GCNT4: variants seen among roughly 807,000 people sequenced by gnomAD.
GCNT4 encodes the protein glucosaminyl (N-acetyl) transferase 4.
Under a neutral mutation model 31.3 loss-of-function variants are expected in GCNT4, and 17 were observed. The observed-to-expected ratio is 0.54, with a 90% CI of 0.37 to 0.81. GCNT4 has a LOEUF of 0.81. Among genes scored for constraint, GCNT4 ranks in the 40% least tolerant of loss-of-function variants. The probability of loss-of-function intolerance (pLI) is 0.00; values close to 1 mark genes in which losing one functional copy is unlikely to be tolerated. For missense variants in GCNT4, 503 were observed against 525.5 expected (o/e 0.96, Z 0.42); for synonymous variants, 158 against 190.6 (o/e 0.83, Z 1.41).
intron 2 of GCNT4, among the ~76,000 whole-genome samples, chr5:75,048,653 T>C (rs1365672227): frequency 1.3e-5 from 2 of 152,202 alleles, no homozygotes; most frequent in African/African-American, 4.8e-5. Flanking sequence ...TTTCTATGAA[T>C]AGTACCACCC....
chr5:75,019,190 G>A, the GCNT4 span, among the ~76,000 whole-genome samples: 1 of 152,164 alleles, frequency 6.6e-6, no homozygotes, highest in Non-Finnish European at 1.5e-5. Context: ...GCCCTTATAA[G>A]AAGAGACACA....
At chr5:75,021,774 G>A (rs1742883045), downstream of GCNT4, among the ~76,000 whole-genome samples, 1 of 152,034 alleles carries the variant, frequency 6.6e-6, no homozygotes, top group Non-Finnish European at 1.5e-5. Context: ...CCACAAATTG[G>A]AGTGACATCT....
rs1023749096 is a variant in GCNT4, at chr5:75,027,040, C to G, written c.*1636G>C. On this transcript the variant is annotated 3_prime_UTR_variant, in exon 4 of 4. Transcript: ENST00000652361. ...AAAAAATATGTAATACTTAAATCTT[C>G]CAAATTGTCCTATTTTGGGCTAGAT... 4 of 151,650 alleles carry G rather than the reference C, an allele frequency of 2.6e-5. No homozygotes were observed. The highest frequency in any genetic ancestry group is 6.6e-5 in the Admixed American group (1 of 15,174). 9.4% of individuals were successfully genotyped at this position (151,650 alleles called of 1,614,324 possible).
chr5:75,038,427 C>T (rs979740697), intron 3 of GCNT4, among the ~76,000 whole-genome samples: 1 of 152,228 alleles, frequency 6.6e-6, no homozygotes, highest in Non-Finnish European at 1.5e-5. Context: ...TCCTGGGGTA[C>T]TGGGAACACC....
At chr5:75,045,045 T>C (rs1417408391) in intron 3 of GCNT4, among the ~76,000 whole-genome samples, 1 of 152,226 alleles carries the variant, frequency 6.6e-6, no homozygotes, top group Admixed American at 6.5e-5. Flanking sequence ...ATTACCTGGT[T>C]CACTTCTTTG....
intron 3 of GCNT4, among the ~76,000 whole-genome samples, chr5:75,045,240 C>T (rs1413405229): frequency 1.3e-5 from 2 of 152,146 alleles, no homozygotes; most frequent in East Asian, 1.9e-4. Flanking sequence ...CCACAGAACA[C>T]GGTCATTTTC....
the GCNT4 span, chr5:75,017,601 T>TA: frequency 6.6e-6 from 1 of 152,240 alleles, no homozygotes; most frequent in Non-Finnish European, 1.5e-5. Context: ...GAAGATGCTT[T>TA]AGGAAGGGGG....
At chr5:75,048,860 A>C (rs916104523) in intron 2 of GCNT4, among the ~76,000 whole-genome samples, 1 of 152,216 alleles carries the variant, frequency 6.6e-6, no homozygotes, top group African/African-American at 2.4e-5. Context: ...GTTAAAGCTG[A>C]AGAAGTAATG....
In GCNT4 at chr5:75,028,267, A is replaced by G. The variant is rs1388796491; in HGVS notation, c.*409T>C. ...AACACTACTCTGAAATGGGTGGTTT[A>G]TATGATCAGACGATTACCACAAACT... On this transcript the variant is annotated 3_prime_UTR_variant, in exon 4 of 4. Transcript: ENST00000652361. 5.9e-6 allele frequency: 1 copy of G among 170,444 alleles called. No homozygotes were observed. Among genetic ancestry groups the G allele is most frequent in the Non-Finnish European group, 1.2e-5 (1 of 80,010 alleles). 10.6% of individuals were successfully genotyped at this position (170,444 alleles called of 1,614,324 possible).
intron 2 of GCNT4, 102 bp downstream of exon 2, chr5:75,052,059 AGCTGTCAG>A (rs1424599100): frequency 1.3e-5 from 2 of 152,160 alleles, no homozygotes; most frequent in Non-Finnish European, 2.9e-5. Flanking sequence ...TATCAACAAA[AGCTGTCAG>A]AATGAACTGT....
In GCNT4 at chr5:75,027,351, T is replaced by TA. The variant is rs1272446426; in HGVS notation, c.*1324dup. On this transcript the variant is annotated 3_prime_UTR_variant, in exon 4 of 4. Coordinates refer to ENST00000652361, the MANE Select transcript of GCNT4 (RefSeq NM_001366737.1). Reference sequence around the variant, plus strand: ...TATTCATATACAATATATGTATATATAATATATATATTTATATATTATATA... The same window carrying TA: ...TATTCATATACAATATATGTATATATAAATATATATATTTATATATTATATA... The TA allele has an allele frequency of 2.7e-4, 4 of 15,048 alleles. No individual in the cohort carries two copies. The highest frequency in any genetic ancestry group is 1.8e-3 in the African/African-American group (3 of 1,714). The allele number at this position is 15,048 out of a possible 1,614,324, so 0.9% of individuals were successfully genotyped here.
rs60551634 is a variant in GCNT4, at chr5:75,032,872, GGTGTGTGTGTGTGTGT to G, written c.-1-2850_-1-2835del. Reference sequence around the variant, plus strand: ...AGAAGACTAATCAATCCCAAATAGGGGTGTGTGTGTGTGTGTGTGTGTGTGTGTGTGTGTGTGTGTG... The same window carrying G: ...AGAAGACTAATCAATCCCAAATAGGGGTGTGTGTGTGTGTGTGTGTGTGTG... On this transcript the variant is annotated intron_variant, in intron 3 of 3. Transcript: ENST00000652361. Among the ~76,000 whole-genome samples the G allele has an allele frequency of 2.2e-3, 292 of 130,756 alleles. 2 individuals are homozygous for G. Among genetic ancestry groups the G allele is most frequent in the Admixed American group, 5.9e-3 (76 of 12,808 alleles). The allele number at this position is 130,756 out of a possible 152,430, so 85.8% of individuals were successfully genotyped here.
rs141799068 is a variant in GCNT4, at chr5:75,028,838, C to T, written c.1200G>A (p.Trp400Ter). Residue 400 changes from tryptophan to a stop codon, truncating the protein, a stop_gained, in exon 4 of 4, where the codon TGG becomes TGA. Transcript: ENST00000652361. LOFTEE classifies it high-confidence loss of function. ...CAAACCAATGTCCATCTTTGATAAGCCACCTTAATTCTGCAGCTCCATAAA... is the reference window on the plus strand; with the variant it reads ...CAAACCAATGTCCATCTTTGATAAGTCACCTTAATTCTGCAGCTCCATAAA... ...VCIYGAAELR[W>*]LIKDGHWFAN... 1.2e-6 allele frequency: 2 copies of T among 1,614,066 alleles called. No homozygotes were observed. The highest frequency in any genetic ancestry group is 1.7e-6 in the Non-Finnish European group (2 of 1,180,008).
At chr5:75,039,239 A>G (rs1743266565) in intron 3 of GCNT4, among the ~76,000 whole-genome samples, 1 of 151,884 alleles carries the variant, frequency 6.6e-6, no homozygotes, top group South Asian at 2.1e-4. Context: ...ATAGGCACCC[A>G]CCACCACGCC....
chr5:75,030,408 CA>C (rs1184330284), intron 3 of GCNT4: 1 of 187,124 alleles, frequency 5.3e-6, no homozygotes, highest in Non-Finnish European at 1.2e-5. Flanking sequence ...ATGTCATCAA[CA>C]GGGCCTCAGA....
chr5:75,030,379 C>A, intron 3 of GCNT4: 1 of 223,964 alleles, frequency 4.5e-6, no homozygotes, highest in Non-Finnish European at 9.6e-6. Flanking sequence ...CTGGTTTGGG[C>A]AGAGGTCTAG....
At chr5:75,017,403 T>C in the GCNT4 span, 2 of 152,168 alleles carry the variant, frequency 1.3e-5, no homozygotes, top group African/African-American at 4.8e-5. Context: ...TTCAGAAATT[T>C]TCAATTTCAG....
At chr5:75,033,535 AGTTT>A (rs1049100155) in intron 3 of GCNT4, among the ~76,000 whole-genome samples, 18 of 152,170 alleles carry the variant, frequency 1.2e-4, no homozygotes, top group South Asian at 4.1e-4. Flanking sequence ...TAAGGGGGAG[AGTTT>A]GTTTGTCTTG....
intron 3 of GCNT4, 40 bp from the exon 4 acceptor site, chr5:75,030,078 C>G (rs1743029572): frequency 6.5e-7 from 1 of 1,534,974 alleles, no homozygotes; most frequent in Non-Finnish European, 8.8e-7. Flanking sequence ...GGAATATTAA[C>G]AGAAAATCAG....
Sources: allele counts gnomAD v4.1 joint callset (sites outside exome capture counted in the v4.1 genomes callset), GRCh38; gene constraint gnomAD v4.1.1; transcripts MANE v1.5; gene names NCBI Gene and HGNC (gene_info 2026-07-23, HGNC 2026-07-21).